The following PUM3 variants were observed in gnomAD, a reference collection of about 807,000 sequenced individuals.
PUM3 encodes the protein pumilio RNA binding family member 3.
In PUM3, 91 loss-of-function variants were observed where a neutral mutation model predicts 84.0. The observed-to-expected ratio is 1.08, with a 90% CI of 0.91 to 1.29. The LOEUF is 1.29. Among genes scored for constraint, PUM3 ranks in the 50% most tolerant of loss-of-function variants. PUM3 has a pLI of 0.00. For missense variants in PUM3, 1,067 were observed against 767.5 expected (o/e 1.39, Z -4.61); for synonymous variants, 321 against 266.7 (o/e 1.20, Z -1.98).
Position 2,811,201 on chromosome 9 carries a change from A to G in PUM3, c.1635+160T>C, listed in dbSNP as rs149196951. On this transcript the variant is annotated intron_variant, in intron 15 of 17. Transcript: ENST00000397885. ...CAGGCTTTGACCCAGATGGTTAGAGAAAATTAAAGATGAATGTAATTGCTG... is the reference window on the plus strand; with the variant it reads ...CAGGCTTTGACCCAGATGGTTAGAGGAAATTAAAGATGAATGTAATTGCTG... Among the ~76,000 whole-genome samples the G allele has an allele frequency of 4.8e-3, 728 of 152,340 alleles. 6 individuals carry two copies. Among genetic ancestry groups the G allele is most frequent in the African/African-American group, 0.016 (664 of 41,580 alleles).
At chr9:2,820,796 C>T (rs959220705) in intron 12 of PUM3, among the ~76,000 whole-genome samples, 1 of 152,106 alleles carries the variant, frequency 6.6e-6, no homozygotes, top group African/African-American at 2.4e-5. Context: ...CAGAAATACA[C>T]ATGTGGCTTT....
rs778695326 is a variant in PUM3, at chr9:2,807,908, TA to T, written c.1724-5del. 10 of 1,580,650 alleles carry T rather than the reference TA, an allele frequency of 6.3e-6. No individual in the cohort carries two copies. Among genetic ancestry groups the T allele is most frequent in the South Asian group, 2.2e-5 (2 of 90,404 alleles). Reference sequence around the variant, plus strand: ...ACAAGTGTTTTTGCAAAACAACCTGTAAAATATACTGAAGCTTAGTGAACAT... The same window carrying T: ...ACAAGTGTTTTTGCAAAACAACCTGTAAATATACTGAAGCTTAGTGAACAT... On this transcript the variant is annotated splice_region_variant and splice_polypyrimidine_tract_variant and intron_variant, in intron 16 of 17. Coordinates refer to ENST00000397885, the MANE Select transcript of PUM3 (RefSeq NM_014878.5).
chr9:2,838,147 A>T (rs1816177973), intron 2 of PUM3, among the ~76,000 whole-genome samples: 1 of 152,196 alleles, frequency 6.6e-6, no homozygotes, highest in Non-Finnish European at 1.5e-5. Flanking sequence ...TCAAATGTTA[A>T]AATAAAATGT....
chr9:2,836,991 A>G (rs1816138987), intron 3 of PUM3, among the ~76,000 whole-genome samples, 189 bp downstream of exon 3: 1 of 152,202 alleles, frequency 6.6e-6, no homozygotes, highest in Non-Finnish European at 1.5e-5. Flanking sequence ...AGGGCTAAGA[A>G]ATAAGAAACT....
At position 2,823,837 on chromosome 9, in the gene PUM3, T is replaced by C. The variant is rs549179217; in HGVS notation, c.1135-3A>G. 33 of 1,513,808 alleles carry C rather than the reference T, an allele frequency of 2.2e-5. No homozygotes were observed. In the African/African-American group the frequency reaches 4.4e-4, roughly 20 times the overall value. The allele number at this position is 1,513,808 out of a possible 1,614,324, so 93.8% of individuals were successfully genotyped here. On this transcript the variant is annotated splice_region_variant and splice_polypyrimidine_tract_variant and intron_variant, in intron 11 of 17. Coordinates refer to ENST00000397885, the MANE Select transcript of PUM3 (RefSeq NM_014878.5). ...GTTTTCACAATCACTTTCCTGTCCT[T>C]AAAAAGGAAAGATTGTCTCACTGAA...
Position 2,822,728 on chromosome 9 carries a change from CATA to C in PUM3, c.1188+1050_1188+1052del, listed in dbSNP as rs1316200229. Among the ~76,000 whole-genome samples, 54 of 146,142 alleles carry C rather than the reference CATA, an allele frequency of 3.7e-4. 1 individual carries two copies. In the East Asian group the frequency reaches 8.6e-3, roughly 23 times the overall value. ...TTATGAATTATATTTATATTTATAA[CATA>C]ATAATATAATGTTATATAATATATA... On this transcript the variant is annotated intron_variant, in intron 12 of 17. Coordinates refer to ENST00000397885, the MANE Select transcript of PUM3 (RefSeq NM_014878.5).
Position 2,824,765 on chromosome 9 carries a change from G to C in PUM3, c.1086C>G (p.His362Gln), listed in dbSNP as rs748170215. 6.3e-7 allele frequency: 1 copy of C among 1,583,076 alleles called. No individual in the cohort carries two copies. Among genetic ancestry groups the C allele is most frequent in the South Asian group, 1.2e-5 (1 of 86,896 alleles). The change falls in exon 11 of 18, where the codon CAC (histidine) becomes CAG (glutamine). Residue 362 changes from histidine (H) to glutamine (Q), a missense_variant. Transcript: ENST00000397885. Reference sequence around the variant, plus strand: ...AGTGCATGGCCACTCTGGCGCCATCGTGTGTGTGTGCCAGGTAGACCACCG... The same window carrying C: ...AGTGCATGGCCACTCTGGCGCCATCCTGTGTGTGTGCCAGGTAGACCACCG... ...REAVVYLAHT[H>Q]DGARVAMHCL... is the part of the protein sequence containing the mutation.
chr9:2,805,509 G>A (rs1198697085), intron 17 of PUM3, among the ~76,000 whole-genome samples: 1 of 152,120 alleles, frequency 6.6e-6, no homozygotes, highest in Admixed American at 6.5e-5. Flanking sequence ...CAACAAAGAG[G>A]AGGATAAATT....
In PUM3 at chr9:2,824,748, G is replaced by A. The variant is rs748773649; in HGVS notation, c.1103C>T (p.Ala368Val). Residue 368 changes from alanine (A) to valine (V), a missense_variant, in exon 11 of 18, where the codon GCC becomes GTC. Transcript: ENST00000397885. ...CGTGCCATGCCACAGGCAGTGCATG[G>A]CCACTCTGGCGCCATCGTGTGTGTG... ...LAHTHDGARV[A>V]MHCLWHGTPK... 4.4e-6 allele frequency: 7 copies of A among 1,582,922 alleles called. No homozygotes were observed. The East Asian group carries it at 9.1e-5, about 21-fold the overall frequency.
chr9:2,835,376 C>T lies in PUM3; in HGVS notation c.305-1210G>A, dbSNP rs1314641018. On this transcript the variant is annotated intron_variant, in intron 3 of 17. Transcript: ENST00000397885. ...GAGGATGCAGTGAGCCATCATCACG[C>T]CATTGCACTTCACAGTCTGGGCAAC... is the stretch of plus-strand genomic sequence containing the variant. Among the ~76,000 whole-genome samples, 3 of 152,114 alleles carry T rather than the reference C, an allele frequency of 2.0e-5. No individual in the cohort carries two copies. The East Asian group carries it at 5.8e-4, about 29-fold the overall frequency.
intron 2 of PUM3, among the ~76,000 whole-genome samples, 162 bp from the exon 3 acceptor site, chr9:2,837,563 A>T (rs1816161465): frequency 6.6e-6 from 1 of 152,242 alleles, no homozygotes. Flanking sequence ...GATTTAAACA[A>T]TCAAAACAAA....
chr9:2,834,000 G>A, intron 4 of PUM3, 31 bp downstream of exon 4: 2 of 1,606,732 alleles, frequency 1.2e-6, no homozygotes, highest in Non-Finnish European at 1.7e-6. Context: ...GTTGCAAAGG[G>A]ACTAACAAAG....
At chr9:2,819,418 G>C (rs1450138827) in intron 13 of PUM3, among the ~76,000 whole-genome samples, 1 of 152,200 alleles carries the variant, frequency 6.6e-6, no homozygotes, top group Non-Finnish European at 1.5e-5. Context: ...AGGAATTTCT[G>C]AAATGTCAAA....
At chr9:2,835,199 G>A (rs1176821986) in intron 3 of PUM3, among the ~76,000 whole-genome samples, 1 of 152,138 alleles carries the variant, frequency 6.6e-6, no homozygotes, top group African/African-American at 2.4e-5. Flanking sequence ...AATCATTTGA[G>A]GCCAGGAGTT....
At chr9:2,812,407 C>A (rs1022505835) in intron 13 of PUM3, 45 bp from the exon 14 acceptor site, 3 of 1,320,558 alleles carry the variant, frequency 2.3e-6, no homozygotes, top group Admixed American at 2.0e-5. Flanking sequence ...TCTGCATTCT[C>A]AAAACAAAGT....
chr9:2,831,137 C>G (rs1815967064), intron 6 of PUM3, 109 bp from the exon 7 acceptor site: 3 of 981,630 alleles, frequency 3.1e-6, no homozygotes, highest in Non-Finnish European at 4.7e-6. Flanking sequence ...AAAAAAGGAT[C>G]TGGAGAAGAC....
At chr9:2,831,165 G>A in intron 6 of PUM3, 86 bp downstream of exon 6, 1 of 1,102,582 alleles carries the variant, frequency 9.1e-7, no homozygotes, top group East Asian at 2.4e-5. Flanking sequence ...AACAAAAATT[G>A]TTTTCTAGGA....
intron 6 of PUM3, 81 bp from the exon 7 acceptor site, chr9:2,831,109 C>T: frequency 1.0e-6 from 1 of 984,926 alleles, no homozygotes. Flanking sequence ...TTGTCCCAGG[C>T]AAGGAAAAAA....
intron 17 of PUM3, among the ~76,000 whole-genome samples, chr9:2,807,592 C>T (rs1821284845): frequency 1.0e-5 from 1 of 96,936 alleles, no homozygotes; most frequent in Non-Finnish European, 1.9e-5. Context: ...GACAGTGAGA[C>T]TCCATCTCAA....
Sources: allele counts gnomAD v4.1 joint callset (sites outside exome capture counted in the v4.1 genomes callset), GRCh38; gene constraint gnomAD v4.1.1; transcripts MANE v1.5; gene names NCBI Gene and HGNC (gene_info 2026-07-23, HGNC 2026-07-21).